SCARA5: variants seen among roughly 807,000 people sequenced by gnomAD.
The protein encoded by SCARA5 is scavenger receptor class A member 5.
A neutral mutation model predicts 46.3 loss-of-function variants in SCARA5; 45 were observed. The observed-to-expected ratio is 0.97, with a 90% CI of 0.76 to 1.24. The LOEUF is 1.24. Ranked by LOEUF, SCARA5 falls within the 50% of genes most tolerant of loss-of-function variation. SCARA5 has a pLI of 0.00. For missense variants in SCARA5, 680 were observed against 689.0 expected (o/e 0.99, Z 0.15); for synonymous variants, 333 against 306.5 (o/e 1.09, Z -0.90).
At chr8:27,966,686 GC>G in intron 2 of SCARA5, 144 bp from the exon 3 acceptor site, 1 of 835,808 alleles carries the variant, frequency 1.2e-6, no homozygotes, top group Non-Finnish European at 1.8e-6. Context: ...CTAGAATGCA[GC>G]CACTTGATGG....
intron 3 of SCARA5, among the ~76,000 whole-genome samples, chr8:27,956,391 A>G (rs899370533): frequency 4.6e-5 from 7 of 152,170 alleles, no homozygotes; most frequent in Non-Finnish European, 8.8e-5. Context: ...GACACCTATG[A>G]TTTCTTCCCT....
chr8:27,965,378 G>A (rs779058739), intron 3 of SCARA5, among the ~76,000 whole-genome samples: 25 of 152,322 alleles, frequency 1.6e-4, no homozygotes, highest in Non-Finnish European at 3.1e-4. Context: ...AAGTCAGCTC[G>A]GCCTGGCCAG....
chr8:27,992,025 C>T (rs1380913395), intron 1 of SCARA5, among the ~76,000 whole-genome samples: 2 of 152,202 alleles, frequency 1.3e-5, no homozygotes, highest in African/African-American at 4.8e-5. Context: ...CCCTCTGGCA[C>T]CCCAAATGCA....
At chr8:27,933,230 G>A (rs746245161) in intron 3 of SCARA5, among the ~76,000 whole-genome samples, 3 of 152,116 alleles carry the variant, frequency 2.0e-5, no homozygotes, top group Non-Finnish European at 4.4e-5. Flanking sequence ...GGTTAGAACA[G>A]GGCAGATTCA....
At chr8:27,893,355 G>A (rs1807016269) in intron 7 of SCARA5, among the ~76,000 whole-genome samples, 3 of 152,118 alleles carry the variant, frequency 2.0e-5, no homozygotes, top group Admixed American at 2.0e-4. Flanking sequence ...GCAATGCTAG[G>A]GCTGCGACCA....
chr8:27,884,476 C>A (rs914214069), intron 7 of SCARA5, among the ~76,000 whole-genome samples: 1 of 152,240 alleles, frequency 6.6e-6, no homozygotes, highest in African/African-American at 2.4e-5. Context: ...CACAGACCTG[C>A]CTCACCTCTG....
intron 8 of SCARA5, among the ~76,000 whole-genome samples, chr8:27,873,641 T>G (rs1806677362): frequency 6.7e-6 from 1 of 148,450 alleles, no homozygotes. Flanking sequence ...ATCCCTGCGC[T>G]GACTCTCTTT....
chr8:27,960,618 T>C (rs1202884444), intron 3 of SCARA5, among the ~76,000 whole-genome samples: 1 of 152,194 alleles, frequency 6.6e-6, no homozygotes, highest in Non-Finnish European at 1.5e-5. Context: ...GGAGGTTAAA[T>C]TATTTGCCTC....
chr8:27,932,658 C>T (rs1028103137), intron 3 of SCARA5, among the ~76,000 whole-genome samples: 2 of 152,158 alleles, frequency 1.3e-5, no homozygotes, highest in East Asian at 1.9e-4. Flanking sequence ...CATGGAGTTT[C>T]GCTCTTGTTG....
intron 3 of SCARA5, among the ~76,000 whole-genome samples, chr8:27,924,061 G>A (rs1021121402): frequency 6.6e-6 from 1 of 152,192 alleles, no homozygotes; most frequent in Non-Finnish European, 1.5e-5. Flanking sequence ...GTCGTGGACT[G>A]TTCTGACTCA....
chr8:27,938,070 G>C (rs957831725), intron 3 of SCARA5, among the ~76,000 whole-genome samples: 1 of 152,082 alleles, frequency 6.6e-6, no homozygotes, highest in African/African-American at 2.4e-5. Flanking sequence ...GGGCAGTAAC[G>C]GCGGGTGCCC....
chr8:27,970,575 T>C lies in SCARA5; in HGVS notation c.113-4033A>G, dbSNP rs576708445. Among the ~76,000 whole-genome samples, 9 of 152,368 alleles carry C rather than the reference T, an allele frequency of 5.9e-5. No individual in the cohort carries two copies. The South Asian group carries it at 1.9e-3, about 32-fold the overall frequency. On this transcript the variant is annotated intron_variant, in intron 2 of 8. Transcript: ENST00000354914. Reference sequence around the variant, plus strand: ...ATGGGCATAAATAGGCCTCTAGAACTGCCTCTGAGCTCCTGTTCTGGTCAC... The same window carrying C: ...ATGGGCATAAATAGGCCTCTAGAACCGCCTCTGAGCTCCTGTTCTGGTCAC...
chr8:27,987,657 A>G (rs1157611932), intron 1 of SCARA5, 27 bp from the exon 2 acceptor site: 4 of 1,377,970 alleles, frequency 2.9e-6, no homozygotes, highest in Non-Finnish European at 4.1e-6. Context: ...AGGGGAGGAG[A>G]GGGAGGACGA....
At chr8:27,933,050 T>C (rs1250089711) in intron 3 of SCARA5, among the ~76,000 whole-genome samples, 1 of 152,004 alleles carries the variant, frequency 6.6e-6, no homozygotes, top group Admixed American at 6.6e-5. Context: ...ACATTGGGGG[T>C]TAGGGATTCA....
intron 3 of SCARA5, among the ~76,000 whole-genome samples, 177 bp from the exon 4 acceptor site, chr8:27,922,422 T>A (rs1807614069): frequency 6.6e-6 from 1 of 152,160 alleles, no homozygotes. Context: ...GCTAAACCAG[T>A]GGTCCCCAAA....
At chr8:27,918,112 A>T (rs1807492363) in intron 4 of SCARA5, among the ~76,000 whole-genome samples, 1 of 152,222 alleles carries the variant, frequency 6.6e-6, no homozygotes. Context: ...AGAACCAGGC[A>T]TTGGGCTTAA....
At chr8:27,939,964 G>A (rs1206549051) in intron 3 of SCARA5, among the ~76,000 whole-genome samples, 1 of 152,164 alleles carries the variant, frequency 6.6e-6, no homozygotes, top group Non-Finnish European at 1.5e-5. Flanking sequence ...GGCCCCTCCT[G>A]TATTTTTCTC....
intron 2 of SCARA5, among the ~76,000 whole-genome samples, chr8:27,968,000 T>C (rs1453587265): frequency 6.6e-6 from 1 of 152,146 alleles, no homozygotes; most frequent in African/African-American, 2.4e-5. Context: ...CTAAAATAAT[T>C]GATATTTAGA....
intron 3 of SCARA5, among the ~76,000 whole-genome samples, chr8:27,955,514 G>A (rs151315155): frequency 3.3e-5 from 5 of 152,310 alleles, no homozygotes; most frequent in Non-Finnish European, 7.4e-5. Flanking sequence ...CTGGAAGCAT[G>A]GGGTGAAGCT....
Sources: allele counts gnomAD v4.1 joint callset (sites outside exome capture counted in the v4.1 genomes callset), GRCh38; gene constraint gnomAD v4.1.1; transcripts MANE v1.5; gene names NCBI Gene and HGNC (gene_info 2026-07-23, HGNC 2026-07-21).